The following CPA4 variants were observed in gnomAD, a reference collection of about 807,000 sequenced individuals.
CPA4 encodes carboxypeptidase A3.
In CPA4, 49 loss-of-function variants were observed where a neutral mutation model predicts 54.7. That is an observed-to-expected ratio of 0.90 (90% CI 0.71 to 1.14). The LOEUF is 1.14. Among genes scored for constraint, CPA4 ranks in the 50% most tolerant of loss-of-function variants. The probability of loss-of-function intolerance (pLI) is 0.00; values close to 1 mark genes in which losing one functional copy is unlikely to be tolerated. For synonymous variants in CPA4, 215 were observed against 206.8 expected (o/e 1.04, Z -0.34); for missense variants, 487 against 525.1 (o/e 0.93, Z 0.71).
chr7:130,297,560 T>C (rs988421886), intron 1 of CPA4, among the ~76,000 whole-genome samples: 4 of 152,168 alleles, frequency 2.6e-5, no homozygotes, highest in Non-Finnish European at 5.9e-5. Context: ...CAGTGGACCT[T>C]GACTCCTTAA....
intron 1 of CPA4, among the ~76,000 whole-genome samples, chr7:130,297,649 C>T (rs943470538): frequency 3.9e-5 from 6 of 152,160 alleles, no homozygotes; most frequent in East Asian, 3.8e-4. Flanking sequence ...TGGATGAAAC[C>T]GGTTTTCTGA....
chr7:130,301,037 T>C, intron 4 of CPA4, 123 bp downstream of exon 4: 1 of 671,838 alleles, frequency 1.5e-6, no homozygotes, highest in East Asian at 2.7e-5. Context: ...GGCTAAAATG[T>C]GTACACTTCA....
intron 4 of CPA4, among the ~76,000 whole-genome samples, chr7:130,303,287 T>C (rs6467294): frequency 0.4 from 60,728 of 152,084 alleles, 12,227 homozygotes; most frequent in Non-Finnish European, 0.43. Context: ...TAAGGGTATT[T>C]TTAGCCGTTT....
intron 10 of CPA4, among the ~76,000 whole-genome samples, chr7:130,313,776 G>A (rs951871695): frequency 6.6e-6 from 1 of 152,214 alleles, no homozygotes; most frequent in African/African-American, 2.4e-5. Flanking sequence ...CTAGGACACA[G>A]GTTCCAGTTT....
intron 2 of CPA4, 44 bp from the exon 3 acceptor site, chr7:130,299,226 A>G: frequency 6.3e-7 from 1 of 1,598,002 alleles, no homozygotes; most frequent in Non-Finnish European, 8.6e-7. Context: ...TGTGCATTTT[A>G]CCTGAACGGT....
rs555741874 is a variant in CPA4 at position 130,320,510 on chromosome 7, C to T, written c.1079-1979C>T. 3.0e-4 allele frequency among the ~76,000 whole-genome samples: 45 copies of T among 152,250 alleles called. No homozygotes were observed. The South Asian group carries it at 6.4e-3, about 22-fold the overall frequency. ...ATGGGAACCACACAGGGAGGGAGCA[C>T]GGAGTCTCACTGGAAGCATCCCTAG... On this transcript the variant is annotated intron_variant, in intron 10 of 10. Coordinates refer to ENST00000222482, the MANE Select transcript of CPA4 (RefSeq NM_016352.4).
intron 9 of CPA4, among the ~76,000 whole-genome samples, chr7:130,311,328 A>G (rs1793909698): frequency 6.6e-6 from 1 of 152,086 alleles, no homozygotes; most frequent in Non-Finnish European, 1.5e-5. Flanking sequence ...CACTCTAGTG[A>G]AAGAAGAGTT....
chr7:130,317,341 C>T lies in CPA4; in HGVS notation c.1079-5148C>T, dbSNP rs115422774. Among the ~76,000 whole-genome samples, 463 of 152,284 alleles carry T rather than the reference C, an allele frequency of 3.0e-3. 2 individuals carry two copies. The highest frequency in any genetic ancestry group is 0.01 in the African/African-American group (436 of 41,552). On this transcript the variant is annotated intron_variant, in intron 10 of 10. Transcript: ENST00000222482. ...AGTCTAGGTGTGCAGTATGTTATAC[C>T]ATCTAGGTTTGTGTAAGTACATTGC...
At chr7:130,319,206 T>C (rs936266580) in intron 10 of CPA4, among the ~76,000 whole-genome samples, 2 of 152,214 alleles carry the variant, frequency 1.3e-5, no homozygotes, top group African/African-American at 4.8e-5. Context: ...TCCTCTTCAC[T>C]GATTCTGCTC....
chr7:130,298,763 T>C lies in CPA4; in HGVS notation c.86T>C (p.Ile29Thr), dbSNP rs1793693325. ...TTCCCCAGGGACCAAGTTTTGAGGATTAATGTCAGAAATGGAGACGAGATC... is the reference window on the plus strand; with the variant it reads ...TTCCCCAGGGACCAAGTTTTGAGGACTAATGTCAGAAATGGAGACGAGATC... ...EKFFGDQVLR[I>T]NVRNGDEISK... The change falls in exon 2 of 11, where the codon ATT (isoleucine) becomes ACT (threonine). Residue 29 changes from isoleucine (I) to threonine (T), a missense_variant. Transcript: ENST00000222482. 9.9e-6 allele frequency: 16 copies of C among 1,610,140 alleles called. No individual in the cohort carries two copies. Among genetic ancestry groups the C allele is most frequent in the Non-Finnish European group, 1.3e-5 (15 of 1,176,418 alleles).
At chr7:130,317,019 G>A (rs1365087812) in intron 10 of CPA4, among the ~76,000 whole-genome samples, 5 of 152,102 alleles carry the variant, frequency 3.3e-5, no homozygotes, top group African/African-American at 1.2e-4. Flanking sequence ...GCTTGCATGC[G>A]AGAGGATGGA....
chr7:130,302,673 A>G (rs981329588), intron 4 of CPA4, among the ~76,000 whole-genome samples: 19 of 152,080 alleles, frequency 1.2e-4, no homozygotes, highest in African/African-American at 4.1e-4. Context: ...TTGGTGTTTT[A>G]ACTTTTCCTG....
At chr7:130,306,629 C>T (rs1195931816) in intron 6 of CPA4, among the ~76,000 whole-genome samples, 158 bp from the exon 7 acceptor site, 1 of 152,156 alleles carries the variant, frequency 6.6e-6, no homozygotes, top group African/African-American at 2.4e-5. Flanking sequence ...TTGCAGAGAG[C>T]AGAGCCTCTG....
chr7:130,313,505 A>G (rs1248087662), intron 10 of CPA4, among the ~76,000 whole-genome samples: 2 of 152,144 alleles, frequency 1.3e-5, no homozygotes, highest in African/African-American at 4.8e-5. Flanking sequence ...ACTGCAGCTG[A>G]GGAGTCTAGT....
At chr7:130,307,745 G>C (rs1386344845) in intron 7 of CPA4, among the ~76,000 whole-genome samples, 1 of 152,052 alleles carries the variant, frequency 6.6e-6, no homozygotes, top group Admixed American at 6.5e-5. Context: ...TTCTACAGCA[G>C]CTCCCACACA....
chr7:130,302,420 C>T (rs140952410), intron 4 of CPA4, among the ~76,000 whole-genome samples: 2,642 of 148,424 alleles, frequency 0.018, 89 homozygotes, highest in African/African-American at 0.063. Context: ...AACCGGGAGG[C>T]GGAGGTTGCA....
At chr7:130,297,687 C>T (rs2117131740) in intron 1 of CPA4, among the ~76,000 whole-genome samples, 1 of 152,320 alleles carries the variant, frequency 6.6e-6, no homozygotes, top group South Asian at 2.1e-4. Flanking sequence ...AGGCTGCACA[C>T]TCAGCTCCCT....
At position 130,299,139 on chromosome 7, in the gene CPA4, A is replaced by T. The variant is rs542421726; in HGVS notation, c.151-131A>T. 8.2e-6 allele frequency: 8 copies of T among 970,264 alleles called. No homozygotes were observed. The South Asian group carries it at 1.2e-4, about 14-fold the overall frequency. 60.1% of individuals were successfully genotyped at this position (970,264 alleles called of 1,614,324 possible). On this transcript the variant is annotated intron_variant, in intron 2 of 10. Transcript: ENST00000222482. ...ACCAGACACAATTGTGAAATGGGCA[A>T]ACTTTGCCCTTGGGCAGAGCCTAGC...
chr7:130,305,706 T>A (rs1306726748), intron 5 of CPA4, 110 bp from the exon 6 acceptor site: 1 of 828,318 alleles, frequency 1.2e-6, no homozygotes, highest in African/African-American at 1.7e-5. Flanking sequence ...GAACATTTGA[T>A]CTCTGAATTA....
Sources: gnomAD v4.1 joint callset for allele counts (sites outside exome capture counted in the v4.1 genomes callset) on GRCh38, gnomAD v4.1.1 for gene constraint, MANE v1.5 for transcripts, NCBI Gene and HGNC (gene_info 2026-07-23, HGNC 2026-07-21) for gene names.